Variants in CTTNBP2 observed in about 807,000 individuals in gnomAD.
CTTNBP2 encodes cortactin binding protein 2, also known as cortactin-binding protein 2.
In CTTNBP2, 108 loss-of-function variants were observed where a neutral mutation model predicts 156.9. The observed-to-expected ratio is 0.69, with a 90% confidence interval of 0.59 to 0.81. The LOEUF (loss-of-function observed/expected upper bound fraction) is 0.81. Ranked by LOEUF, CTTNBP2 falls within the 30% of genes least tolerant of loss-of-function variation. CTTNBP2 has a pLI of 0.00. For synonymous variants in CTTNBP2, 767 were observed against 751.8 expected (o/e 1.02, Z -0.33); for missense variants, 1,924 against 2,035.4 (o/e 0.95, Z 1.05).
chr7:117,711,844 C>T (rs902639646), intron 22 of CTTNBP2, 62 bp from the exon 23 acceptor site: 1 of 1,504,228 alleles, frequency 6.6e-7, no homozygotes, highest in South Asian at 1.3e-5. Context: ...AGCCCTACCC[C>T]TGCCTCCTCT....
At chr7:117,853,379 A>T (rs190714180) in intron 2 of CTTNBP2, among the ~76,000 whole-genome samples, 1,637 of 152,334 alleles carry the variant, frequency 0.011, 15 homozygotes, top group Middle Eastern at 0.048. Flanking sequence ...CAAAAAATTT[A>T]AAAATTTACA....
chr7:117,731,285 A>G (rs557714855), intron 16 of CTTNBP2, among the ~76,000 whole-genome samples: 3 of 152,388 alleles, frequency 2.0e-5, no homozygotes, highest in African/African-American at 7.2e-5. Flanking sequence ...ACACAGAAAG[A>G]TAAAGCTTAT....
At chr7:117,855,541 T>A (rs1803249168) in intron 2 of CTTNBP2, among the ~76,000 whole-genome samples, 1 of 152,076 alleles carries the variant, frequency 6.6e-6, no homozygotes, top group South Asian at 2.1e-4. Flanking sequence ...AACCAAAGAG[T>A]TGCTACTGGC....
chr7:117,773,707 A>ACACACACACACACC (rs1234464093), intron 8 of CTTNBP2, among the ~76,000 whole-genome samples: 1 of 128,958 alleles, frequency 7.8e-6, no homozygotes, highest in Admixed American at 8.2e-5. Context: ...ACACACACAC[A>ACACACACACACACC]CCCCAAAAAA....
At chr7:117,760,739 T>TA (rs950577040) in intron 9 of CTTNBP2, 29 bp from the exon 10 acceptor site, 28 of 1,507,330 alleles carry the variant, frequency 1.9e-5, no homozygotes, top group Middle Eastern at 1.9e-4. Context: ...AATTAGGAGT[T>TA]AAAAAAATCT....
intron 8 of CTTNBP2, among the ~76,000 whole-genome samples, chr7:117,770,407 T>A (rs1277960939): frequency 6.6e-6 from 1 of 152,236 alleles, no homozygotes; most frequent in Non-Finnish European, 1.5e-5. Context: ...AAGAGTAAAT[T>A]CTGCAGTGTG....
chr7:117,812,670 CAT>C (rs1275850106), intron 2 of CTTNBP2, among the ~76,000 whole-genome samples: 1 of 152,162 alleles, frequency 6.6e-6, no homozygotes, highest in Non-Finnish European at 1.5e-5. Context: ...TAAATTCAAT[CAT>C]GTAATCAATA....
intron 3 of CTTNBP2, among the ~76,000 whole-genome samples, chr7:117,801,884 G>A (rs998067555): frequency 1.2e-4 from 19 of 152,002 alleles, no homozygotes; most frequent in African/African-American, 4.1e-4. Flanking sequence ...TAAAAGTTTG[G>A]AAAATGTTTT....
chr7:117,789,760 T>C (rs530235510), intron 4 of CTTNBP2, among the ~76,000 whole-genome samples: 1 of 152,310 alleles, frequency 6.6e-6, no homozygotes, highest in African/African-American at 2.4e-5. Context: ...TGACAGGTTA[T>C]AGGATCCAAT....
intron 3 of CTTNBP2, among the ~76,000 whole-genome samples, chr7:117,803,851 A>G (rs1426441504): frequency 6.6e-6 from 1 of 152,220 alleles, no homozygotes; most frequent in Non-Finnish European, 1.5e-5. Context: ...TTGTCCTTAA[A>G]AAAGGTAAAT....
chr7:117,819,101 A>C (rs892487089), intron 2 of CTTNBP2, among the ~76,000 whole-genome samples: 2 of 152,312 alleles, frequency 1.3e-5, no homozygotes, highest in African/African-American at 4.8e-5. Context: ...AGATTTTTCC[A>C]AACAGTCAAC....
chr7:117,713,329 T>C (rs1290493909), intron 22 of CTTNBP2, among the ~76,000 whole-genome samples: 1 of 152,216 alleles, frequency 6.6e-6, no homozygotes, highest in East Asian at 1.9e-4. Flanking sequence ...TTAGCCCTCA[T>C]TTATCTCCTG....
At position 117,771,059 on chromosome 7, in the gene CTTNBP2, A is replaced by G. The variant is rs1797771462; in HGVS notation, c.2779-3883T>C. Among the ~76,000 whole-genome samples the G allele has an allele frequency of 2.6e-5, 4 of 152,304 alleles. No individual in the cohort carries two copies. In the South Asian group the frequency reaches 8.3e-4, roughly 32 times the overall value. On this transcript the variant is annotated intron_variant, in intron 8 of 22. Transcript: ENST00000160373. The stretch of plus-strand genomic sequence containing the variant: ...CAAGTATTTGGCCATAGTTCCCTGC[A>G]ATGGGGACTGGAGAATGCTGTCTTT...
chr7:117,829,661 C>T (rs1321228330), intron 2 of CTTNBP2, among the ~76,000 whole-genome samples: 1 of 152,136 alleles, frequency 6.6e-6, no homozygotes, highest in Non-Finnish European at 1.5e-5. Context: ...GGAAAAGGAC[C>T]CAGGTATAAT....
intron 4 of CTTNBP2, among the ~76,000 whole-genome samples, chr7:117,787,002 G>C (rs1798736770): frequency 6.6e-6 from 1 of 151,904 alleles, no homozygotes; most frequent in African/African-American, 2.4e-5. Flanking sequence ...AAAGAAAAAT[G>C]CTTTATAAAT....
At chr7:117,761,084 G>A (rs983013851) in intron 9 of CTTNBP2, among the ~76,000 whole-genome samples, 1 of 152,124 alleles carries the variant, frequency 6.6e-6, no homozygotes, top group Non-Finnish European at 1.5e-5. Context: ...CATGGATGAG[G>A]CAGGTTATAG....
chr7:117,783,501 A>G (rs1798543642), intron 5 of CTTNBP2, among the ~76,000 whole-genome samples: 1 of 152,218 alleles, frequency 6.6e-6, no homozygotes, highest in Non-Finnish European at 1.5e-5. Context: ...AGGAATAAAT[A>G]TCACCTAGAT....
intron 20 of CTTNBP2, 81 bp downstream of exon 20, chr7:117,720,986 A>G (rs1794759080): frequency 2.2e-6 from 2 of 896,224 alleles, no homozygotes; most frequent in Non-Finnish European, 3.7e-6. Context: ...TCAAATGAGA[A>G]CATGGAACAT....
chr7:117,769,223 T>C (rs1374291913), intron 8 of CTTNBP2, among the ~76,000 whole-genome samples: 1 of 152,182 alleles, frequency 6.6e-6, no homozygotes, highest in Non-Finnish European at 1.5e-5. Flanking sequence ...ATGAGTTTGC[T>C]AGAAAGTACA....
Sources: gnomAD v4.1 joint callset for allele counts (sites outside exome capture counted in the v4.1 genomes callset) on GRCh38, gnomAD v4.1.1 for gene constraint, MANE v1.5 for transcripts, NCBI Gene and HGNC (gene_info 2026-07-23, HGNC 2026-07-21) for gene names.